The following ARHGAP24 variants were observed in gnomAD, a reference collection of about 807,000 sequenced individuals.
The protein encoded by ARHGAP24 is rho GTPase-activating protein 24.
ARHGAP24 carries 50 observed loss-of-function variants against 76.4 expected under a neutral mutation model. That is an observed-to-expected ratio of 0.65 (90% CI 0.52 to 0.83). ARHGAP24 has a LOEUF of 0.83. Ranked by LOEUF, ARHGAP24 falls within the 40% of genes least tolerant of loss-of-function variation. The pLI, the probability that ARHGAP24 is intolerant of heterozygous loss-of-function variation, is 0.00. For synonymous variants in ARHGAP24, 345 were observed against 323.3 expected (o/e 1.07, Z -0.72); for missense variants, 930 against 914.2 (o/e 1.02, Z -0.22).
chr4:85,527,490 A>G (rs1040773335), intron 1 of ARHGAP24, among the ~76,000 whole-genome samples: 1 of 152,076 alleles, frequency 6.6e-6, no homozygotes, highest in Non-Finnish European at 1.5e-5. Flanking sequence ...TTTAGATACA[A>G]TAAGATCACT....
intron 1 of ARHGAP24, among the ~76,000 whole-genome samples, chr4:85,537,827 A>G (rs1007127594): frequency 6.6e-6 from 1 of 152,210 alleles, no homozygotes; most frequent in African/African-American, 2.4e-5. Context: ...ATTCAAATGT[A>G]TTCAGAGAAA....
At chr4:85,988,599 TATA>T (rs751226450) in intron 8 of ARHGAP24, among the ~76,000 whole-genome samples, 1 of 151,378 alleles carries the variant, frequency 6.6e-6, no homozygotes, top group Non-Finnish European at 1.5e-5. Flanking sequence ...TGGAATGTTA[TATA>T]ATAATAAACT....
intron 2 of ARHGAP24, among the ~76,000 whole-genome samples, chr4:85,646,909 A>T (rs906950532): frequency 1.3e-5 from 2 of 152,138 alleles, no homozygotes; most frequent in African/African-American, 2.4e-5. Context: ...CATTTATGTG[A>T]TATGTAATCA....
chr4:85,567,637 A>G (rs1726899652), intron 1 of ARHGAP24, among the ~76,000 whole-genome samples: 1 of 152,112 alleles, frequency 6.6e-6, no homozygotes, highest in African/African-American at 2.4e-5. Flanking sequence ...CATGCCAGAC[A>G]TCGTACTGAG....
At chr4:85,770,768 G>T (rs1727099702) in intron 3 of ARHGAP24, among the ~76,000 whole-genome samples, 1 of 152,116 alleles carries the variant, frequency 6.6e-6, no homozygotes, top group Non-Finnish European at 1.5e-5. Context: ...ATTAATTTTG[G>T]CTGATCTCTC....
intron 2 of ARHGAP24, among the ~76,000 whole-genome samples, chr4:85,572,062 G>A (rs562573436): frequency 1.3e-5 from 2 of 152,252 alleles, no homozygotes; most frequent in East Asian, 3.9e-4. Context: ...TACAGAGGAG[G>A]AAACTGTGGC....
intron 3 of ARHGAP24, among the ~76,000 whole-genome samples, chr4:85,744,734 C>A (rs533618659): frequency 6.6e-6 from 1 of 152,178 alleles, no homozygotes; most frequent in Non-Finnish European, 1.5e-5. Context: ...ACAAAAGAGA[C>A]TTGAATCATC....
intron 3 of ARHGAP24, among the ~76,000 whole-genome samples, chr4:85,739,184 G>C (rs1324475145): frequency 6.6e-6 from 1 of 152,152 alleles, no homozygotes. Context: ...CTCTCTTCTT[G>C]CTTGCCTCCC....
chr4:85,650,824 C>T (rs1578109059), intron 2 of ARHGAP24, among the ~76,000 whole-genome samples: 1 of 149,252 alleles, frequency 6.7e-6, no homozygotes, highest in Non-Finnish European at 1.5e-5. Flanking sequence ...AAGTATTGAT[C>T]CTAAAGGAGG....
At chr4:85,543,289 C>T (rs1725781911) in intron 1 of ARHGAP24, among the ~76,000 whole-genome samples, 1 of 152,128 alleles carries the variant, frequency 6.6e-6, no homozygotes, top group Admixed American at 6.5e-5. Context: ...TCAGAAGTAT[C>T]GGCCTGGTGA....
intron 3 of ARHGAP24, among the ~76,000 whole-genome samples, chr4:85,832,410 A>G (rs1171205291): frequency 1.3e-5 from 2 of 152,206 alleles, no homozygotes; most frequent in Non-Finnish European, 1.5e-5. Context: ...TACTATTATT[A>G]GGCATTGAGT....
At position 85,940,746 on chromosome 4, in the gene ARHGAP24, G is replaced by T. The variant is rs368288674; in HGVS notation, c.392-1320G>T. On this transcript the variant is annotated intron_variant, in intron 4 of 9. Transcript: ENST00000395184. Reference sequence around the variant, plus strand: ...ATTCTGCTTTATATACTTGAATATCGATACTAAGTTACTAAACATTATTTC... The same window carrying T: ...ATTCTGCTTTATATACTTGAATATCTATACTAAGTTACTAAACATTATTTC... 7.2e-5 allele frequency among the ~76,000 whole-genome samples: 11 copies of T among 152,084 alleles called. No individual in the cohort carries two copies. In the East Asian group the frequency reaches 9.7e-4, roughly 13 times the overall value.
At chr4:85,731,484 A>T (rs1035647568) in intron 3 of ARHGAP24, among the ~76,000 whole-genome samples, 12 of 152,198 alleles carry the variant, frequency 7.9e-5, no homozygotes, top group Non-Finnish European at 5.9e-5. Context: ...CAGTTTTATC[A>T]TCTATGGATT....
intron 4 of ARHGAP24, among the ~76,000 whole-genome samples, chr4:85,939,277 T>C (rs1736820565): frequency 6.6e-6 from 1 of 152,218 alleles, no homozygotes; most frequent in South Asian, 2.1e-4. Flanking sequence ...AGTTGTAGAA[T>C]GTACTAATAT....
At chr4:85,537,142 AC>A (rs1735721746) in intron 1 of ARHGAP24, among the ~76,000 whole-genome samples, 1 of 152,126 alleles carries the variant, frequency 6.6e-6, no homozygotes, top group African/African-American at 2.4e-5. Context: ...CTTATCATTC[AC>A]ACTTCAATCA....
chr4:85,999,931 A>G (rs1470838620), intron 9 of ARHGAP24: 1 of 154,052 alleles, frequency 6.5e-6, no homozygotes, highest in Non-Finnish European at 1.4e-5. Flanking sequence ...TACCTCTCGT[A>G]TCAATGTAAG....
chr4:85,494,959 G>A (rs1379506482), intron 1 of ARHGAP24, among the ~76,000 whole-genome samples: 4 of 151,896 alleles, frequency 2.6e-5, no homozygotes, highest in Non-Finnish European at 2.9e-5. Flanking sequence ...TTAGCTGGGC[G>A]GGGTGGCGGG....
intron 3 of ARHGAP24, among the ~76,000 whole-genome samples, chr4:85,814,113 C>T (rs1267879839): frequency 6.6e-6 from 1 of 151,968 alleles, no homozygotes; most frequent in East Asian, 1.9e-4. Flanking sequence ...GGGAAACCGC[C>T]CCCATGATCC....
In ARHGAP24 at chr4:85,715,832, C is replaced by T. The variant is rs1724714558; in HGVS notation, c.181-6053C>T. On this transcript the variant is annotated intron_variant, in intron 2 of 9. Transcript: ENST00000395184. ...TATTAGCCTTTCTCACCTTTATGTT[C>T]TCTGTGCCTAAGACAGGGCCTCAGA... 2.6e-5 allele frequency among the ~76,000 whole-genome samples: 4 copies of T among 152,066 alleles called. No homozygotes were observed. In the South Asian group the frequency reaches 8.3e-4, roughly 32 times the overall value.
Sources: allele counts gnomAD v4.1 joint callset (sites outside exome capture counted in the v4.1 genomes callset), GRCh38; gene constraint gnomAD v4.1.1; transcripts MANE v1.5; gene names NCBI Gene and HGNC (gene_info 2026-07-23, HGNC 2026-07-21).